Variants in DEPTOR observed in about 807,000 individuals in gnomAD.
DEPTOR encodes the protein DEP domain-containing mTOR-interacting protein.
A neutral mutation model predicts 41.6 loss-of-function variants in DEPTOR; 41 were observed. That is an observed-to-expected ratio of 0.98 (90% CI 0.77 to 1.28). The LOEUF (loss-of-function observed/expected upper bound fraction) is 1.28, where lower values mean the gene tolerates loss of function less well. Ranked by LOEUF, DEPTOR falls within the 50% of genes most tolerant of loss-of-function variation. The pLI is 0.00. For missense variants in DEPTOR, 514 were observed against 527.9 expected (o/e 0.97, Z 0.26); for synonymous variants, 195 against 192.3 (o/e 1.01, Z -0.12).
intron 8 of DEPTOR, among the ~76,000 whole-genome samples, chr8:120,016,417 G>A (rs1185283582): frequency 6.6e-6 from 1 of 151,758 alleles, no homozygotes; most frequent in Non-Finnish European, 1.5e-5. Flanking sequence ...TCCTGCCTCA[G>A]CCTCCCAAGT....
intron 4 of DEPTOR, among the ~76,000 whole-genome samples, chr8:119,965,922 C>A (rs1828552970): frequency 6.6e-6 from 1 of 152,124 alleles, no homozygotes; most frequent in Non-Finnish European, 1.5e-5. Flanking sequence ...CATAATGATG[C>A]AATGTAAGTT....
At chr8:120,002,791 A>AAATAT in intron 5 of DEPTOR, among the ~76,000 whole-genome samples, 186 bp from the exon 6 acceptor site, 1,157 of 60,606 alleles carry the variant, frequency 0.019, 31 homozygotes, top group African/African-American at 0.028. Context: ...AAAAAAAAAA[A>AAATAT]ATATATATAT....
intron 1 of DEPTOR, among the ~76,000 whole-genome samples, chr8:119,878,971 G>A (rs1051977775): frequency 1.3e-5 from 2 of 151,742 alleles, no homozygotes; most frequent in Non-Finnish European, 2.9e-5. Flanking sequence ...TTAGCCAGGC[G>A]TGGTGGCACA....
intron 8 of DEPTOR, among the ~76,000 whole-genome samples, chr8:120,043,741 G>T (rs556213951): frequency 1.3e-5 from 2 of 152,274 alleles, no homozygotes; most frequent in South Asian, 4.1e-4. Context: ...GCCAGGCATG[G>T]TAGCTCATGC....
intron 8 of DEPTOR, among the ~76,000 whole-genome samples, chr8:120,021,399 G>A (rs575501414): frequency 3.3e-5 from 5 of 151,994 alleles, no homozygotes; most frequent in Admixed American, 6.6e-5. Flanking sequence ...GTGAAATTTC[G>A]TCTCAAAAAT....
intron 4 of DEPTOR, among the ~76,000 whole-genome samples, chr8:119,970,848 C>T (rs979269870): frequency 1.3e-5 from 2 of 152,040 alleles, no homozygotes; most frequent in African/African-American, 2.4e-5. Context: ...CTTCTCTAGC[C>T]GTGAAATGCA....
chr8:120,049,429 G>T, intron 8 of DEPTOR, 147 bp from the exon 9 acceptor site: 1 of 943,514 alleles, frequency 1.1e-6, no homozygotes, highest in Non-Finnish European at 1.4e-6. Context: ...TAGCTCCTTG[G>T]AAATTATTGA....
chr8:119,999,548 C>T (rs1299991543), intron 4 of DEPTOR, among the ~76,000 whole-genome samples: 2 of 151,794 alleles, frequency 1.3e-5, no homozygotes, highest in Admixed American at 1.3e-4. Flanking sequence ...CACTTGAGCC[C>T]AGGAGTTCGA....
chr8:119,917,827 A>G (rs12545586), intron 1 of DEPTOR, among the ~76,000 whole-genome samples: 109,308 of 152,092 alleles, frequency 0.72, 39,717 homozygotes, highest in East Asian at 0.95. Context: ...ATGTCTCGAT[A>G]TAAAACCCGA....
intron 3 of DEPTOR, among the ~76,000 whole-genome samples, chr8:119,961,264 A>G (rs888286245): frequency 3.3e-5 from 5 of 151,700 alleles, no homozygotes; most frequent in African/African-American, 9.7e-5. Flanking sequence ...GAAAAACACA[A>G]AATTAGCCAG....
chr8:119,916,649 C>T (rs924061968), intron 1 of DEPTOR, among the ~76,000 whole-genome samples: 2 of 152,168 alleles, frequency 1.3e-5, no homozygotes, highest in Non-Finnish European at 2.9e-5. Context: ...GTATTTCAGC[C>T]CATTGCTTAT....
chr8:120,001,397 T>C (rs1812348215), intron 4 of DEPTOR, 128 bp from the exon 5 acceptor site: 2 of 764,094 alleles, frequency 2.6e-6, no homozygotes, highest in Non-Finnish European at 3.9e-6. Flanking sequence ...CGGCAGCTCA[T>C]GTGGCATCTG....
chr8:120,014,694 T>C (rs1310925553), intron 8 of DEPTOR, among the ~76,000 whole-genome samples: 1 of 151,950 alleles, frequency 6.6e-6, no homozygotes, highest in Non-Finnish European at 1.5e-5. Flanking sequence ...TGCCTCATTT[T>C]GTATTTTTAG....
At chr8:119,977,652 G>A (rs1028646464) in intron 4 of DEPTOR, among the ~76,000 whole-genome samples, 2 of 152,030 alleles carry the variant, frequency 1.3e-5, no homozygotes, top group East Asian at 1.9e-4. Context: ...CTTGATAGAG[G>A]GCCAAGACAT....
At chr8:119,907,925 A>T (rs1215329933) in intron 1 of DEPTOR, among the ~76,000 whole-genome samples, 2 of 152,152 alleles carry the variant, frequency 1.3e-5, no homozygotes, top group Non-Finnish European at 2.9e-5. Flanking sequence ...AAGAGTGTCT[A>T]TTGTTATAAT....
At chr8:119,898,931 G>A (rs990765227) in intron 1 of DEPTOR, among the ~76,000 whole-genome samples, 20 of 152,024 alleles carry the variant, frequency 1.3e-4, no homozygotes, top group Admixed American at 4.6e-4. Flanking sequence ...GTGCCACTAA[G>A]GACTAATGGG....
At chr8:120,041,598 C>T (rs190129600) in intron 8 of DEPTOR, among the ~76,000 whole-genome samples, 20 of 152,174 alleles carry the variant, frequency 1.3e-4, no homozygotes, top group Admixed American at 5.2e-4. Flanking sequence ...AGTGCAGTGG[C>T]GCCATCTCAG....
intron 4 of DEPTOR, among the ~76,000 whole-genome samples, chr8:119,977,065 A>G (rs988004203): frequency 3.3e-5 from 5 of 152,086 alleles, no homozygotes; most frequent in African/African-American, 1.2e-4. Flanking sequence ...CAGGGGTGCA[A>G]TCTTGGCTCA....
intron 3 of DEPTOR, among the ~76,000 whole-genome samples, chr8:119,934,569 C>A (rs1056795963): frequency 1.3e-5 from 2 of 152,168 alleles, no homozygotes; most frequent in Non-Finnish European, 1.5e-5. Flanking sequence ...AGGCTGGGAC[C>A]CACTGCTGGA....
Sources: gnomAD v4.1 joint callset for allele counts (sites outside exome capture counted in the v4.1 genomes callset) on GRCh38, gnomAD v4.1.1 for gene constraint, MANE v1.5 for transcripts, NCBI Gene and HGNC (gene_info 2026-07-23, HGNC 2026-07-21) for gene names.